The following PASD1 variants were observed in gnomAD, a reference collection of about 807,000 sequenced individuals.
PASD1 encodes the protein circadian clock protein PASD1.
PASD1 carries 13 observed loss-of-function variants against 58.8 expected under a neutral mutation model. That is an observed-to-expected ratio of 0.22 (90% CI 0.14 to 0.35). The LOEUF is 0.35. PASD1 is among the 10% of genes least tolerant of loss of function. The probability of loss-of-function intolerance (pLI) is 1.00; values close to 1 mark genes in which losing one functional copy is unlikely to be tolerated. For missense variants in PASD1, 734 were observed against 568.3 expected (o/e 1.29, Z -2.96); for synonymous variants, 236 against 216.7 (o/e 1.09, Z -0.78).
chrX:151,572,943 T>A (rs1304480586), intron 1 of PASD1, among the ~76,000 whole-genome samples: 1 of 98,507 alleles, frequency 1.0e-5, no homozygotes, highest in East Asian at 3.2e-4. Flanking sequence ...ATGGAGCTTT[T>A]ACTCATGGTG....
intron 15 of PASD1, among the ~76,000 whole-genome samples, chrX:151,675,435 C>T (rs73638096): frequency 4.6e-3 from 515 of 112,103 alleles, no homozygotes; most frequent in African/African-American, 0.015. Context: ...GTGTCTTCTC[C>T]GCCCCCTTGG....
intron 8 of PASD1, among the ~76,000 whole-genome samples, chrX:151,639,063 C>G (rs1349420652): frequency 2.7e-5 from 3 of 112,073 alleles, no homozygotes; most frequent in Admixed American, 9.5e-5. Flanking sequence ...TTTCTGAAAC[C>G]TCATTTTGTG....
chrX:151,578,098 A>G (rs2013037342), intron 1 of PASD1, among the ~76,000 whole-genome samples: 1 of 112,002 alleles, frequency 8.9e-6, no homozygotes, highest in Non-Finnish European at 1.9e-5. Flanking sequence ...GTTTGAGGAT[A>G]GAAAGTAAAA....
In PASD1 at chrX:151,674,177, CTA is replaced by C. The variant is rs772625212; in HGVS notation, c.2167_2168del (p.Tyr723ProfsTer7). 2 of 1,212,008 alleles carry C rather than the reference CTA, an allele frequency of 1.7e-6. No individual in the cohort carries two copies. Among genetic ancestry groups the C allele is most frequent in the East Asian group, 5.9e-5 (2 of 33,848 alleles). On this transcript the variant is annotated frameshift_variant, in exon 15 of 16. Transcript: ENST00000370357. LOFTEE classifies it low-confidence loss of function (END_TRUNC). ...AGGGCACCCTGCACGGCCAACCCAC[CTA>C]CCATCAGGTATGGGACAGCCCCCTC... ...EQGTLHGQPTYHQVQVSEVGV... is the reference protein window; with the variant it reads ...EQGTLHGQPTXHQVQVSEVGV...
intron 9 of PASD1, among the ~76,000 whole-genome samples, chrX:151,657,756 C>G (rs780582366): frequency 7.3e-5 from 8 of 109,779 alleles, no homozygotes; most frequent in African/African-American, 2.6e-4. Context: ...CTCTTTTCTT[C>G]TTTATTAGTC....
At chrX:151,585,212 T>C (rs941205626) in intron 1 of PASD1, among the ~76,000 whole-genome samples, 2 of 112,197 alleles carry the variant, frequency 1.8e-5, no homozygotes, top group African/African-American at 6.5e-5. Context: ...TTAATTCTTA[T>C]ACCAGACTCT....
chrX:151,655,225 G>T (rs1216703322), intron 9 of PASD1, among the ~76,000 whole-genome samples: 3 of 109,672 alleles, frequency 2.7e-5, no homozygotes, highest in Non-Finnish European at 5.8e-5. Context: ...GGTGTATATG[G>T]GCCACATTTT....
intron 2 of PASD1, 39 bp downstream of exon 2, chrX:151,601,620 C>T: frequency 8.5e-7 from 1 of 1,181,977 alleles, no homozygotes; most frequent in Non-Finnish European, 1.1e-6. Context: ...TGTCAAAGCC[C>T]TCTCCCTCGT....
chrX:151,622,693 C>T (rs902398451), intron 6 of PASD1, among the ~76,000 whole-genome samples: 2 of 110,398 alleles, frequency 1.8e-5, no homozygotes, highest in African/African-American at 3.3e-5. Context: ...AATATCCATC[C>T]ACAGGGTAAT....
intron 8 of PASD1, among the ~76,000 whole-genome samples, chrX:151,634,463 A>G (rs779660226): frequency 1.8e-5 from 2 of 111,473 alleles, no homozygotes; most frequent in South Asian, 7.6e-4. Flanking sequence ...TCCACAGTCC[A>G]TATTCAAATT....
chrX:151,613,035 T>C (rs1283787259), intron 4 of PASD1, among the ~76,000 whole-genome samples: 1 of 112,128 alleles, frequency 8.9e-6, no homozygotes, highest in African/African-American at 3.2e-5. Context: ...TTTCAACATA[T>C]GGCTAGCCCG....
At chrX:151,647,919 T>C (rs925658971) in intron 8 of PASD1, among the ~76,000 whole-genome samples, 3 of 111,537 alleles carry the variant, frequency 2.7e-5, no homozygotes, top group African/African-American at 9.8e-5. Flanking sequence ...TCTGAGGTCT[T>C]GTTTTTTATA....
At chrX:151,651,412 C>T (rs2014127056) in intron 9 of PASD1, among the ~76,000 whole-genome samples, 1 of 111,709 alleles carries the variant, frequency 9.0e-6, no homozygotes, top group African/African-American at 3.3e-5. Context: ...CACCCAAATC[C>T]ATTGTGTCAG....
intron 11 of PASD1, among the ~76,000 whole-genome samples, chrX:151,669,511 TG>T (rs943580853): frequency 9.0e-6 from 1 of 110,747 alleles, no homozygotes; most frequent in Non-Finnish European, 1.9e-5. Context: ...AACTGTATTT[TG>T]GTACCCAGTA....
intron 3 of PASD1, among the ~76,000 whole-genome samples, chrX:151,608,365 A>G (rs1203978215): frequency 9.0e-6 from 1 of 111,667 alleles, no homozygotes; most frequent in Non-Finnish European, 1.9e-5. Flanking sequence ...GCCTTTGCTC[A>G]GTTTCTTATG....
At chrX:151,565,994 G>A (rs1292852660) in intron 1 of PASD1, among the ~76,000 whole-genome samples, 3 of 112,258 alleles carry the variant, frequency 2.7e-5, no homozygotes, top group Non-Finnish European at 5.6e-5. Context: ...GGGTTGATAA[G>A]GTAATTAGGA....
intron 1 of PASD1, among the ~76,000 whole-genome samples, chrX:151,600,083 C>T (rs1044033779): frequency 7.1e-5 from 8 of 112,219 alleles, no homozygotes; most frequent in Non-Finnish European, 1.1e-4. Context: ...GCCAACAAGG[C>T]GAAACCCCGT....
chrX:151,584,993 AC>A (rs893944728), intron 1 of PASD1, among the ~76,000 whole-genome samples: 3 of 112,100 alleles, frequency 2.7e-5, no homozygotes, highest in African/African-American at 9.7e-5. Flanking sequence ...ATTTGATTGA[AC>A]AAATACCCAA....
At chrX:151,666,954 T>G (rs1350099626) in intron 11 of PASD1, among the ~76,000 whole-genome samples, 2 of 108,880 alleles carry the variant, frequency 1.8e-5, no homozygotes, top group Admixed American at 2.0e-4. Flanking sequence ...CTTGAGGAAT[T>G]GCCACACTTT....
Sources: allele counts gnomAD v4.1 joint callset (sites outside exome capture counted in the v4.1 genomes callset), GRCh38; gene constraint gnomAD v4.1.1; transcripts MANE v1.5; gene names NCBI Gene and HGNC (gene_info 2026-07-23, HGNC 2026-07-21).